Variants in FAM135B observed in about 807,000 individuals in gnomAD.
FAM135B encodes family with sequence similarity 135 member B, also known as protein FAM135B.
In FAM135B, 43 loss-of-function variants were observed where a neutral mutation model predicts 127.7. The ratio of observed to expected loss-of-function variants is 0.34; its 90% CI spans 0.26 to 0.43. FAM135B has a LOEUF of 0.43. FAM135B is among the 20% of genes least tolerant of loss of function. The pLI, the probability that FAM135B is intolerant of heterozygous loss-of-function variation, is 1.00. For synonymous variants in FAM135B, 670 were observed against 665.1 expected (o/e 1.01, Z -0.11); for missense variants, 1,558 against 1,725.6 (o/e 0.90, Z 1.72).
intron 9 of FAM135B, among the ~76,000 whole-genome samples, chr8:138,187,855 G>A (rs538500483): frequency 1.2e-4 from 18 of 152,294 alleles, no homozygotes; most frequent in East Asian, 1.2e-3. Flanking sequence ...CTTTGAGCCC[G>A]GCCCCGATCT....
At chr8:138,221,345 A>G (rs753753137) in intron 7 of FAM135B, among the ~76,000 whole-genome samples, 1 of 152,132 alleles carries the variant, frequency 6.6e-6, no homozygotes, top group Non-Finnish European at 1.5e-5. Context: ...ATCTCCTGAG[A>G]ACTCACTCAC....
intron 2 of FAM135B, among the ~76,000 whole-genome samples, chr8:138,326,638 TCA>T (rs1256440545): frequency 6.6e-6 from 1 of 151,964 alleles, no homozygotes; most frequent in African/African-American, 2.4e-5. Flanking sequence ...GCAAAACAAC[TCA>T]CAAGTCTTTC....
intron 9 of FAM135B, among the ~76,000 whole-genome samples, chr8:138,183,031 GCA>G (rs780200142): frequency 8.7e-5 from 13 of 148,858 alleles, no homozygotes; most frequent in East Asian, 8.2e-4. Context: ...ACACACTCAG[GCA>G]CACACACACC....
At chr8:138,221,059 T>G (rs749537230) in intron 7 of FAM135B, among the ~76,000 whole-genome samples, 11 of 152,208 alleles carry the variant, frequency 7.2e-5, no homozygotes, top group Admixed American at 1.3e-4. Context: ...TGCAGAAAGA[T>G]GAAACCCAGG....
At chr8:138,336,466 A>C (rs1828595604) in intron 2 of FAM135B, among the ~76,000 whole-genome samples, 1 of 152,010 alleles carries the variant, frequency 6.6e-6, no homozygotes, top group Non-Finnish European at 1.5e-5. Context: ...CCATCAGAGA[A>C]TACTATAAAC....
At chr8:138,327,235 G>A (rs1336973193) in intron 2 of FAM135B, among the ~76,000 whole-genome samples, 1 of 152,128 alleles carries the variant, frequency 6.6e-6, no homozygotes, top group Non-Finnish European at 1.5e-5. Context: ...CAAGTCAACC[G>A]TGTGTCAGGC....
chr8:138,461,157 T>C (rs1197291284), intron 1 of FAM135B, among the ~76,000 whole-genome samples: 1 of 152,176 alleles, frequency 6.6e-6, no homozygotes, highest in Non-Finnish European at 1.5e-5. Flanking sequence ...TTGAAGCCAC[T>C]ATTAGTCATG....
intron 1 of FAM135B, among the ~76,000 whole-genome samples, chr8:138,460,900 C>A (rs1837084037): frequency 6.6e-6 from 1 of 152,122 alleles, no homozygotes; most frequent in South Asian, 2.1e-4. Context: ...TTTATAGACC[C>A]TGATTCAGAT....
intron 3 of FAM135B, among the ~76,000 whole-genome samples, chr8:138,304,056 C>T (rs1314578972): frequency 1.3e-5 from 2 of 152,130 alleles, no homozygotes; most frequent in East Asian, 3.9e-4. Flanking sequence ...GGTGTGCTGT[C>T]AGTGAGACCC....
intron 1 of FAM135B, among the ~76,000 whole-genome samples, chr8:138,472,892 C>T (rs1329332786): frequency 6.6e-6 from 1 of 152,110 alleles, no homozygotes; most frequent in Non-Finnish European, 1.5e-5. Context: ...TGATGTCTCC[C>T]CTCAAGACCA....
chr8:138,261,899 C>T (rs1330253081), intron 4 of FAM135B, among the ~76,000 whole-genome samples: 1 of 152,228 alleles, frequency 6.6e-6, no homozygotes. Flanking sequence ...TGGCTATCAG[C>T]AGTGTTTTGG....
At chr8:138,453,516 C>A (rs1418356737) in intron 1 of FAM135B, among the ~76,000 whole-genome samples, 1 of 151,972 alleles carries the variant, frequency 6.6e-6, no homozygotes, top group Non-Finnish European at 1.5e-5. Flanking sequence ...TCCCTCACCT[C>A]CACAAACAAA....
At chr8:138,485,244 A>C (rs1814940127) in intron 1 of FAM135B, among the ~76,000 whole-genome samples, 1 of 152,192 alleles carries the variant, frequency 6.6e-6, no homozygotes, top group African/African-American at 2.4e-5. Flanking sequence ...GCTACTGCTC[A>C]GTGTTGTCAT....
At chr8:138,151,166 G>A (rs1473909031) in intron 13 of FAM135B, 28 bp downstream of exon 13, 7 of 1,478,016 alleles carry the variant, frequency 4.7e-6, no homozygotes. Context: ...GACTGTTGTG[G>A]GAAAGGTAAG....
rs1421939295 is a variant in FAM135B, at chr8:138,151,800, C to G, written c.2675G>C (p.Arg892Thr). Residue 892 changes from arginine (R) to threonine (T), a missense_variant, in exon 13 of 20, where the codon AGG (arginine) becomes ACG (threonine). By Grantham distance (71) the Arg-to-Thr change is moderately conservative (BLOSUM62 -1). This residue lies in a region of FAM135B where 923 missense variants were observed against 865.3 expected (regional missense o/e 1.07). Coordinates refer to ENST00000395297, the MANE Select transcript of FAM135B (RefSeq NM_015912.4). Reference sequence around the variant, plus strand: ...AAGTGCTCTATGAAGAGATCTGGTCCTGGGGTTTTCAAGTGCTATGACGCG... The same window carrying G: ...AAGTGCTCTATGAAGAGATCTGGTCGTGGGGTTTTCAAGTGCTATGACGCG... ...IPRVIALENP[R>T]TRSLHRALEE... The G allele has an allele frequency of 6.2e-7, 1 of 1,614,150 alleles. No individual in the cohort carries two copies. Among genetic ancestry groups the G allele is most frequent in the Non-Finnish European group, 8.5e-7 (1 of 1,180,044 alleles).
chr8:138,160,839 T>C (rs1819313360), intron 12 of FAM135B, among the ~76,000 whole-genome samples: 2 of 151,948 alleles, frequency 1.3e-5, no homozygotes, highest in Admixed American at 6.6e-5. Context: ...TTTTAACTTA[T>C]CAAAGTATGT....
chr8:138,339,262 A>T (rs961200488), intron 2 of FAM135B, among the ~76,000 whole-genome samples: 14 of 151,758 alleles, frequency 9.2e-5, no homozygotes, highest in African/African-American at 2.9e-4. Context: ...AGTATAATTT[A>T]AAAAAAAACC....
chr8:138,421,021 AG>A, intron 1 of FAM135B, among the ~76,000 whole-genome samples: 1 of 152,154 alleles, frequency 6.6e-6, no homozygotes, highest in East Asian at 1.9e-4. Flanking sequence ...AAGAAATAAA[AG>A]ACATCCAGGC....
chr8:138,445,711 A>G (rs1266094361), intron 1 of FAM135B, among the ~76,000 whole-genome samples: 1 of 152,228 alleles, frequency 6.6e-6, no homozygotes, highest in Non-Finnish European at 1.5e-5. Context: ...TGAATGGACA[A>G]GAACAGGAAG....
Sources: allele counts gnomAD v4.1 joint callset (sites outside exome capture counted in the v4.1 genomes callset), GRCh38; gene constraint gnomAD v4.1.1; regional missense constraint gnomAD v4.1.1; transcripts MANE v1.5; gene names NCBI Gene and HGNC (gene_info 2026-07-23, HGNC 2026-07-21).